ZC3H4: variants seen among roughly 807,000 people sequenced by gnomAD.
ZC3H4 encodes the protein zinc finger CCCH-type containing 4, also known as zinc finger CCCH domain-containing protein 4.
A neutral mutation model predicts 108.3 loss-of-function variants in ZC3H4; 13 were observed. That is an observed-to-expected ratio of 0.12 (90% confidence interval 0.08 to 0.19). ZC3H4 has a LOEUF of 0.19. Among genes scored for constraint, ZC3H4 ranks in the 10% least tolerant of loss-of-function variants. The probability of loss-of-function intolerance (pLI) is 1.00; values close to 1 mark genes in which losing one functional copy is unlikely to be tolerated. For missense variants in ZC3H4, 1,734 were observed against 1,838.8 expected (o/e 0.94, Z 1.04); for synonymous variants, 917 against 749.6 (o/e 1.22, Z -3.65).
In ZC3H4 at chr19:47,066,200, C is replaced by CT. The variant is rs1358841774; in HGVS notation, c.*155dup. 13 of 611,438 alleles carry CT rather than the reference C, an allele frequency of 2.1e-5. No homozygotes were observed. In the East Asian group the frequency reaches 3.8e-4, roughly 18 times the overall value. 37.9% of individuals were successfully genotyped at this position (611,438 alleles called of 1,614,324 possible). ...TTTACAAATCTCAAAGAAAGTACTA[C>CT]TTTAAAAAAAAATAAAAGAGACGGA... On this transcript the variant is annotated 3_prime_UTR_variant, in exon 15 of 15. Transcript: ENST00000253048.
intron 2 of ZC3H4, chr19:47,112,057 G>C (rs1450712846): frequency 1.1e-6 from 1 of 935,534 alleles, no homozygotes; most frequent in Non-Finnish European, 1.3e-6. Flanking sequence ...GGGGCAGCCA[G>C]GACCCCCGTG....
chr19:47,078,983 C>T (rs1362735962), intron 11 of ZC3H4, among the ~76,000 whole-genome samples: 1 of 147,698 alleles, frequency 6.8e-6, no homozygotes, highest in South Asian at 2.3e-4. Context: ...GCAGAGATCG[C>T]GCCATTGCAC....
At chr19:47,089,243 A>G (rs1196329403) in intron 5 of ZC3H4, among the ~76,000 whole-genome samples, 1 of 150,570 alleles carries the variant, frequency 6.6e-6, no homozygotes, top group Non-Finnish European at 1.5e-5. Flanking sequence ...ATGAATGAAC[A>G]GCTACTCAAC....
intron 14 of ZC3H4, among the ~76,000 whole-genome samples, chr19:47,068,819 CCTGTTGGCCA>C (rs1237012762): frequency 6.6e-6 from 1 of 152,202 alleles, no homozygotes; most frequent in Non-Finnish European, 1.5e-5. Context: ...GGCGGTCAAT[CCTGTTGGCCA>C]CTGTCTCCTC....
At chr19:47,112,922 C>T (rs1205183650) in intron 1 of ZC3H4, among the ~76,000 whole-genome samples, 3 of 151,722 alleles carry the variant, frequency 2.0e-5, no homozygotes, top group African/African-American at 7.3e-5. Context: ...TAGCGCGGGC[C>T]GCGCGCGATG....
At position 47,064,540 on chromosome 19, in the gene ZC3H4, T is replaced by G. The variant is rs955619704; in HGVS notation, c.*1816A>C. On this transcript the variant is annotated 3_prime_UTR_variant, in exon 15 of 15. Transcript: ENST00000253048. ...CCAGCTTCTATTTCATCCACAGATT[T>G]CGGTTTAAAAAATATTTTTCTTTTA... The G allele has an allele frequency of 2.0e-5, 3 of 152,360 alleles. No homozygotes were observed. Among genetic ancestry groups the G allele is most frequent in the African/African-American group, 7.2e-5 (3 of 41,410 alleles). The allele number at this position is 152,360 out of a possible 1,614,324, so 9.4% of individuals were successfully genotyped here.
chr19:47,077,570 T>G (rs2057445476), intron 11 of ZC3H4, among the ~76,000 whole-genome samples: 1 of 151,688 alleles, frequency 6.6e-6, no homozygotes, highest in African/African-American at 2.4e-5. Context: ...GTATGGATTC[T>G]CAGCTAGGCA....
chr19:47,112,198 C>A (rs2058047990), intron 2 of ZC3H4: 2 of 1,207,670 alleles, frequency 1.7e-6, no homozygotes, highest in Non-Finnish European at 2.1e-6. Context: ...CGAGGGAGAG[C>A]GGGCGAGCGC....
chr19:47,064,460 G>C lies in ZC3H4; in HGVS notation c.*1896C>G, dbSNP rs534765872. On this transcript the variant is annotated 3_prime_UTR_variant, in exon 15 of 15. Coordinates refer to ENST00000253048, the MANE Select transcript of ZC3H4 (RefSeq NM_015168.2). Reference sequence around the variant, plus strand: ...CGGCCTGATGGCAAATGAGAATTTCGGGTGAATTCATAGTCCTATGAGGTT... The same window carrying C: ...CGGCCTGATGGCAAATGAGAATTTCCGGTGAATTCATAGTCCTATGAGGTT... 6.6e-6 allele frequency: 1 copy of C among 152,378 alleles called. No individual in the cohort carries two copies. Among genetic ancestry groups the C allele is most frequent in the Non-Finnish European group, 1.5e-5 (1 of 68,026 alleles). 9.4% of individuals were successfully genotyped at this position (152,378 alleles called of 1,614,324 possible).
chr19:47,069,761 G>A (rs1416414432), intron 13 of ZC3H4, among the ~76,000 whole-genome samples: 1 of 152,144 alleles, frequency 6.6e-6, no homozygotes, highest in African/African-American at 2.4e-5. Context: ...CTAACAATCA[G>A]TAAGGAAACA....
chr19:47,110,531 C>A (rs528160271), intron 2 of ZC3H4, among the ~76,000 whole-genome samples: 1 of 152,256 alleles, frequency 6.6e-6, no homozygotes, highest in South Asian at 2.1e-4. Context: ...TCGAACATAT[C>A]AATTCACTCT....
intron 4 of ZC3H4, among the ~76,000 whole-genome samples, chr19:47,092,903 A>G (rs1178812142): frequency 1.3e-5 from 2 of 152,028 alleles, no homozygotes; most frequent in East Asian, 3.9e-4. Context: ...GTGCCAACGA[A>G]TACTGGGTAA....
intron 9 of ZC3H4, among the ~76,000 whole-genome samples, chr19:47,083,805 A>G (rs970843104): frequency 1.3e-5 from 2 of 152,230 alleles, no homozygotes; most frequent in African/African-American, 4.8e-5. Flanking sequence ...CTGAGCACAC[A>G]TCTGCTGGTG....
In ZC3H4 at chr19:47,067,501, T is replaced by C. The variant is rs777006178; in HGVS notation, c.2767A>G (p.Thr923Ala). The C allele has an allele frequency of 5.3e-5, 84 of 1,585,892 alleles. No individual in the cohort carries two copies. Among genetic ancestry groups the C allele is most frequent in the Non-Finnish European group, 6.5e-5 (76 of 1,164,782 alleles). The change falls in exon 15 of 15, where the codon ACG (threonine) becomes GCG (alanine). Residue 923 changes from threonine (T) to alanine (A), a missense_variant. Transcript: ENST00000253048. This position sits in a 1 kb window ranked among gnomAD's most constrained non-coding sequence, Gnocchi z 6.4. Reference sequence around the variant, plus strand: ...GCCCGCTCCCCTTCCTCCTCCTCCGTTGGGGGCGGCCCAGACCCCTTGGAA... The same window carrying C: ...GCCCGCTCCCCTTCCTCCTCCTCCGCTGGGGGCGGCCCAGACCCCTTGGAA... ...SSSKGSGPPP[T>A]EEEEGERALR...
intron 2 of ZC3H4, chr19:47,111,090 A>C: frequency 5.9e-6 from 1 of 169,856 alleles, no homozygotes; most frequent in Non-Finnish European, 1.2e-5. Context: ...CAGGGCTGCG[A>C]CGGAGTAGCC....
intron 1 of ZC3H4, chr19:47,113,383 A>T (rs922246367): frequency 3.9e-5 from 6 of 152,740 alleles, no homozygotes; most frequent in African/African-American, 1.4e-4. Flanking sequence ...TAGAGAGAGC[A>T]TGAGAAACCT....
intron 6 of ZC3H4, among the ~76,000 whole-genome samples, chr19:47,085,930 C>G (rs1425722249): frequency 6.6e-6 from 1 of 152,108 alleles, no homozygotes; most frequent in Non-Finnish European, 1.5e-5. Flanking sequence ...GTGGTGCGAT[C>G]TCGGCTCACT....
In ZC3H4 at chr19:47,112,449, G is replaced by C. The variant is rs2058052540; in HGVS notation, c.136C>G (p.His46Asp). ...CTGTCGTCAGGGAGCGGGAGGCGGT[G>C]GTGGAGGAGGTGCGGGGTGGCCGGG... ...ARPATPHLLH[H>D]RLPLPDDRED... Residue 46 changes from histidine to aspartate, a missense_variant, in exon 2 of 15, where the codon CAC (histidine) becomes GAC (aspartate). By Grantham distance (81) the His-to-Asp change is moderately conservative. This residue lies in a region of ZC3H4 where 112 missense variants were observed against 73.3 expected (regional missense o/e 1.53). Transcript: ENST00000253048. 2 of 1,235,850 alleles carry C rather than the reference G, an allele frequency of 1.6e-6. No individual in the cohort carries two copies. The highest frequency in any genetic ancestry group is 8.1e-5 in the South Asian group (2 of 24,818). The allele number at this position is 1,235,850 out of a possible 1,614,324, so 76.6% of individuals were successfully genotyped here. A position where few individuals can be genotyped will look rare whatever the true frequency, so the allele number is the denominator to read the frequency against.
chr19:47,111,766 C>T (rs1194565818), intron 2 of ZC3H4, among the ~76,000 whole-genome samples: 1 of 151,294 alleles, frequency 6.6e-6, no homozygotes, highest in Admixed American at 6.6e-5. Context: ...CTATAGAGCA[C>T]CCACCCAAAT....
Sources: allele counts gnomAD v4.1 joint callset (sites outside exome capture counted in the v4.1 genomes callset), GRCh38; gene constraint gnomAD v4.1.1; regional missense constraint gnomAD v4.1.1; non-coding constraint Gnocchi (gnomAD v3.1); transcripts MANE v1.5; gene names NCBI Gene and HGNC (gene_info 2026-07-23, HGNC 2026-07-21).